PIK3C3: variants seen among roughly 807,000 people sequenced by gnomAD.
The protein encoded by PIK3C3 is phosphatidylinositol 3-kinase catalytic subunit type 3.
Under a neutral mutation model 126.1 loss-of-function variants are expected in PIK3C3, and 95 were observed. That is an observed-to-expected ratio of 0.75 (90% CI 0.64 to 0.89). The LOEUF (loss-of-function observed/expected upper bound fraction) is 0.89. PIK3C3 is among the 40% of genes least tolerant of loss of function. The probability of loss-of-function intolerance (pLI) is 0.00; values close to 1 mark genes in which losing one functional copy is unlikely to be tolerated. For synonymous variants in PIK3C3, 374 were observed against 360.0 expected (o/e 1.04, Z -0.44); for missense variants, 829 against 1,063.2 (o/e 0.78, Z 3.06).
chr18:41,997,744 A>C (rs2144367914), intron 9 of PIK3C3, among the ~76,000 whole-genome samples: 1 of 152,302 alleles, frequency 6.6e-6, no homozygotes, highest in East Asian at 1.9e-4. Flanking sequence ...CTTGAGCCTC[A>C]GAAAGATTAG....
intron 4 of PIK3C3, among the ~76,000 whole-genome samples, chr18:41,976,820 T>A (rs763833732): frequency 7.2e-5 from 11 of 152,234 alleles, no homozygotes; most frequent in Admixed American, 1.3e-4. Context: ...CACTACATTG[T>A]TTTTAAATTC....
chr18:42,002,817 A>G (rs1238531851), intron 9 of PIK3C3, among the ~76,000 whole-genome samples: 2 of 152,218 alleles, frequency 1.3e-5, no homozygotes, highest in South Asian at 2.1e-4. Flanking sequence ...CCAACTCCAG[A>G]TGTGTCATAT....
In PIK3C3 at chr18:42,085,389, GA is replaced by G. The variant is rs200429984; in HGVS notation, c.*4259del. ...AACTTTAATATGAATAAATAGTCTA[GA>G]AAAAAATTTAGGAAAAATTGCCATG... On this transcript the variant is annotated 3_prime_UTR_variant, in exon 25 of 25. Transcript: ENST00000262039. 2 of 152,002 alleles carry G rather than the reference GA, an allele frequency of 1.3e-5. No individual in the cohort carries two copies. Among genetic ancestry groups the G allele is most frequent in the Non-Finnish European group, 2.9e-5 (2 of 67,984 alleles). The allele number at this position is 152,002 out of a possible 1,614,324, so 9.4% of individuals were successfully genotyped here. A position where few individuals can be genotyped will look rare whatever the true frequency, so the allele number is the denominator to read the frequency against.
intron 18 of PIK3C3, among the ~76,000 whole-genome samples, chr18:42,040,156 C>CTTTTTTTTTT (rs55821466): frequency 6.3e-5 from 7 of 110,522 alleles, no homozygotes; most frequent in African/African-American, 1.5e-4. Flanking sequence ...GTCCCCTTTC[C>CTTTTTTTTTT]TTTTTTTTTT....
chr18:42,049,390 A>G (rs943997978), intron 20 of PIK3C3, 141 bp from the exon 21 acceptor site: 4 of 505,962 alleles, frequency 7.9e-6, no homozygotes, highest in African/African-American at 4.0e-5. Flanking sequence ...TGAAGATTGC[A>G]TATTTGAGAA....
chr18:42,012,958 G>A (rs1321629924), intron 10 of PIK3C3, among the ~76,000 whole-genome samples: 1 of 151,988 alleles, frequency 6.6e-6, no homozygotes, highest in Non-Finnish European at 1.5e-5. Context: ...ATTCTAACCA[G>A]TAGTAGTCAT....
At chr18:42,054,174 A>C (rs1378363200) in intron 21 of PIK3C3, among the ~76,000 whole-genome samples, 1,849 of 63,108 alleles carry the variant, frequency 0.029, 347 homozygotes, top group African/African-American at 0.13. Context: ...ATATATATAT[A>C]TATATATATA....
chr18:41,961,354 C>T (rs966560396), intron 2 of PIK3C3, among the ~76,000 whole-genome samples: 2 of 152,136 alleles, frequency 1.3e-5, no homozygotes, highest in African/African-American at 4.8e-5. Context: ...GCCTGCCCTA[C>T]CATGTGGCTA....
intron 18 of PIK3C3, among the ~76,000 whole-genome samples, chr18:42,039,413 A>C (rs1025357859): frequency 1.3e-5 from 2 of 152,170 alleles, no homozygotes; most frequent in African/African-American, 2.4e-5. Flanking sequence ...ATCCTGCAAA[A>C]AGTCATTTGT....
chr18:42,002,711 T>A (rs1272110731), intron 9 of PIK3C3, among the ~76,000 whole-genome samples: 1 of 152,192 alleles, frequency 6.6e-6, no homozygotes, highest in Middle Eastern at 3.2e-3. Context: ...AATAGGAAAT[T>A]TGTGCTAAGA....
At chr18:42,019,407 C>G (rs965479071) in intron 12 of PIK3C3, among the ~76,000 whole-genome samples, 4 of 152,094 alleles carry the variant, frequency 2.6e-5, no homozygotes, top group Non-Finnish European at 1.5e-5. Context: ...TGCTTAAAAC[C>G]CAATTTGCTA....
At chr18:41,958,697 G>C (rs73950817) in intron 2 of PIK3C3, among the ~76,000 whole-genome samples, 3,542 of 151,984 alleles carry the variant, frequency 0.023, 151 homozygotes, top group African/African-American at 0.081. Flanking sequence ...ATATATGTGT[G>C]TATATAGATA....
chr18:42,015,390 G>A (rs1983025178), intron 11 of PIK3C3, 86 bp from the exon 12 acceptor site: 1 of 939,692 alleles, frequency 1.1e-6, no homozygotes. Context: ...AGACACAATT[G>A]AAGTGAACTG....
intron 21 of PIK3C3, among the ~76,000 whole-genome samples, chr18:42,053,447 AT>A (rs1460330759): frequency 6.6e-6 from 1 of 152,182 alleles, no homozygotes; most frequent in East Asian, 1.9e-4. Flanking sequence ...CATGTGATTA[AT>A]TATAACGCTG....
At chr18:41,993,368 A>G in intron 7 of PIK3C3, 27 bp downstream of exon 7, 3 of 1,461,622 alleles carry the variant, frequency 2.1e-6, no homozygotes, top group Non-Finnish European at 2.9e-6. Context: ...TTTTTTTATG[A>G]AAGTACTTTT....
intron 20 of PIK3C3, among the ~76,000 whole-genome samples, chr18:42,048,618 A>G (rs1408982554): frequency 6.6e-6 from 1 of 152,176 alleles, no homozygotes; most frequent in Non-Finnish European, 1.5e-5. Context: ...ATTATTATTA[A>G]TTAATACTAT....
chr18:42,011,367 G>A (rs1451368832), intron 10 of PIK3C3, among the ~76,000 whole-genome samples: 3 of 152,216 alleles, frequency 2.0e-5, no homozygotes, highest in Non-Finnish European at 2.9e-5. Flanking sequence ...TTCTACATCA[G>A]TACTTGTTGC....
chr18:42,020,589 C>A, intron 12 of PIK3C3, 49 bp from the exon 13 acceptor site: 1 of 1,150,596 alleles, frequency 8.7e-7, no homozygotes, highest in East Asian at 2.4e-5. Flanking sequence ...TATTTTCCCC[C>A]ATTACTAGTA....
chr18:41,988,527 A>G (rs1187357373), intron 5 of PIK3C3, among the ~76,000 whole-genome samples: 2 of 152,150 alleles, frequency 1.3e-5, no homozygotes, highest in Non-Finnish European at 2.9e-5. Context: ...AGAAACAATA[A>G]TTATATTAAT....
Sources: allele counts gnomAD v4.1 joint callset (sites outside exome capture counted in the v4.1 genomes callset), GRCh38; gene constraint gnomAD v4.1.1; transcripts MANE v1.5; gene names NCBI Gene and HGNC (gene_info 2026-07-23, HGNC 2026-07-21).